Variants in ZMYND11 observed in about 807,000 individuals in gnomAD.
ZMYND11 encodes zinc finger MYND domain-containing protein 11.
In ZMYND11, 9 loss-of-function variants were observed where a neutral mutation model predicts 84.9. The observed-to-expected ratio is 0.11, with a 90% CI of 0.06 to 0.18. The LOEUF (loss-of-function observed/expected upper bound fraction) is 0.18. ZMYND11 is among the 10% of genes least tolerant of loss of function. The pLI, the probability that ZMYND11 is intolerant of heterozygous loss-of-function variation, is 1.00. For synonymous variants in ZMYND11, 250 were observed against 244.1 expected, an observed-to-expected ratio of 1.02 and a Z score of -0.23; for missense variants, 409 against 761.0, an observed-to-expected ratio of 0.54 and a Z score of 5.44.
chr10:247,363 T>C, intron 11 of ZMYND11, 35 bp from the exon 12 acceptor site: 2 of 1,609,500 alleles, frequency 1.2e-6, no homozygotes, highest in Non-Finnish European at 1.7e-6. Context: ...TTTTCTAGTG[T>C]CTGGAATAAT....
intron 1 of ZMYND11, among the ~76,000 whole-genome samples, chr10:164,955 T>C (rs1843659748): frequency 6.8e-6 from 1 of 146,248 alleles, no homozygotes; most frequent in South Asian, 2.1e-4. Context: ...TGAAAAATCA[T>C]GTGTATGTAG....
At chr10:244,287 T>C (rs1951673398) in intron 10 of ZMYND11, among the ~76,000 whole-genome samples, 1 of 152,238 alleles carries the variant, frequency 6.6e-6, no homozygotes, top group Non-Finnish European at 1.5e-5. Flanking sequence ...TTTGGCTAAT[T>C]ATTCTTCTGC....
chr10:247,051 T>TA, intron 11 of ZMYND11, 78 bp downstream of exon 11: 1 of 1,370,462 alleles, frequency 7.3e-7, no homozygotes, highest in Non-Finnish European at 1.0e-6. Flanking sequence ...CTCCTCACTG[T>TA]AATGAACAGA....
At chr10:186,409 G>A (rs1324043106) in intron 2 of ZMYND11, among the ~76,000 whole-genome samples, 1 of 151,754 alleles carries the variant, frequency 6.6e-6, no homozygotes, top group Non-Finnish European at 1.5e-5. Context: ...TAGGGAGACC[G>A]AGGCAGGCAG....
Position 246,809 on chromosome 10 carries a change from A to C in ZMYND11, c.994A>C (p.Ile332Leu). Residue 332 changes from isoleucine (I) to leucine (L), a missense_variant, in exon 11 of 15, where the codon ATT becomes CTT. Physicochemically the swap from Ile to Leu is conservative, Grantham distance 5. Transcript: ENST00000381604. ...SENIQDITVNIHRLHVKRSMG... is the reference protein window; with the variant it reads ...SENIQDITVNLHRLHVKRSMG... ...AAACATTCAAGATATCACAGTCAAC[A>C]TTCATCGGCTGCACGTGAAGCGCAG... 1 of 1,614,158 alleles carries C rather than the reference A, an allele frequency of 6.2e-7. No homozygotes were observed. The highest frequency in any genetic ancestry group is 8.5e-7 in the Non-Finnish European group (1 of 1,180,034).
intron 1 of ZMYND11, among the ~76,000 whole-genome samples, chr10:178,270 T>G (rs1847098881): frequency 6.6e-6 from 1 of 152,240 alleles, no homozygotes. Context: ...TTATACAGTT[T>G]TAACTACTTC....
At chr10:187,440 T>C (rs139623983) in intron 2 of ZMYND11, among the ~76,000 whole-genome samples, 7,369 of 151,806 alleles carry the variant, frequency 0.049, 240 homozygotes, top group Non-Finnish European at 0.07. Context: ...CGAGACCATC[T>C]TGGCTAACAC....
chr10:229,239 C>T lies in ZMYND11; in HGVS notation c.439-7599C>T, dbSNP rs571504955. 5.3e-5 allele frequency among the ~76,000 whole-genome samples: 8 copies of T among 152,236 alleles called. No homozygotes were observed. In the South Asian group the frequency reaches 6.2e-4, roughly 12 times the overall value. On this transcript the variant is annotated intron_variant, in intron 4 of 14. Transcript: ENST00000381604. ...TAAATGTGGATGAACAATTCTTGTGCGTTAGTAATTCTGCAGGACTAACTT... is the reference window on the plus strand; with the variant it reads ...TAAATGTGGATGAACAATTCTTGTGTGTTAGTAATTCTGCAGGACTAACTT...
chr10:146,262 T>C (rs1838803094), intron 1 of ZMYND11, among the ~76,000 whole-genome samples: 1 of 152,236 alleles, frequency 6.6e-6, no homozygotes, highest in Admixed American at 6.5e-5. Context: ...AGTACCATGC[T>C]GTTTTGCTTA....
At chr10:240,254 C>G in intron 8 of ZMYND11, 143 bp downstream of exon 8, 1 of 673,562 alleles carries the variant, frequency 1.5e-6, no homozygotes, top group South Asian at 2.6e-5. Context: ...GCCTGTAATC[C>G]CAGCACTTTG....
intron 1 of ZMYND11, among the ~76,000 whole-genome samples, chr10:169,679 C>T (rs972408744): frequency 2.6e-5 from 4 of 152,130 alleles, no homozygotes; most frequent in South Asian, 2.1e-4. Context: ...GTAGACTGGA[C>T]GTGACTAAGG....
intron 2 of ZMYND11, among the ~76,000 whole-genome samples, chr10:188,301 A>G (rs569270691): frequency 3.0e-4 from 46 of 152,214 alleles, no homozygotes; most frequent in African/African-American, 1.1e-3. Flanking sequence ...CTTTCCCAGT[A>G]TGAGACCATG....
chr10:230,919 C>G (rs955811216), intron 4 of ZMYND11, among the ~76,000 whole-genome samples: 1 of 152,126 alleles, frequency 6.6e-6, no homozygotes, highest in African/African-American at 2.4e-5. Context: ...CATTATGGAC[C>G]CTGCTTTCAC....
chr10:217,392 G>A (rs767656717), intron 3 of ZMYND11, among the ~76,000 whole-genome samples: 7 of 151,936 alleles, frequency 4.6e-5, no homozygotes, highest in African/African-American at 7.3e-5. Flanking sequence ...GTATGGTGGC[G>A]CACGCCTGTA....
intron 1 of ZMYND11, among the ~76,000 whole-genome samples, chr10:141,040 C>T (rs559689246): frequency 6.6e-6 from 1 of 152,322 alleles, no homozygotes; most frequent in East Asian, 1.9e-4. Context: ...TTACAGACCA[C>T]ATTAGCTTAC....
intron 14 of ZMYND11, among the ~76,000 whole-genome samples, chr10:250,854 C>G (rs1953298569): frequency 6.6e-6 from 1 of 152,082 alleles, no homozygotes; most frequent in South Asian, 2.1e-4. Flanking sequence ...GAAACCCCAT[C>G]TCTACAAAAA....
chr10:205,292 TTTA>T (rs1178742728), intron 2 of ZMYND11, among the ~76,000 whole-genome samples: 7 of 152,350 alleles, frequency 4.6e-5, no homozygotes, highest in Middle Eastern at 3.4e-3. Flanking sequence ...TAATTTCCTT[TTTA>T]TATATAGCTG....
intron 2 of ZMYND11, among the ~76,000 whole-genome samples, chr10:188,915 A>G (rs1225138642): frequency 6.6e-6 from 1 of 152,206 alleles, no homozygotes; most frequent in African/African-American, 2.4e-5. Context: ...ATGGACTACT[A>G]GAAAAAGCAA....
chr10:249,127 TG>T, intron 14 of ZMYND11, 39 bp downstream of exon 14: 1 of 1,613,208 alleles, frequency 6.2e-7, no homozygotes, highest in East Asian at 2.2e-5. Context: ...TTTCTGAAAA[TG>T]TACCACAGGT....
Sources: allele counts gnomAD v4.1 joint callset (sites outside exome capture counted in the v4.1 genomes callset), GRCh38; gene constraint gnomAD v4.1.1; transcripts MANE v1.5; gene names NCBI Gene and HGNC (gene_info 2026-07-23, HGNC 2026-07-21).